SLC9A8: variants seen among roughly 807,000 people sequenced by gnomAD.
SLC9A8 encodes solute carrier family 9 member A8, also known as sodium/hydrogen exchanger 8.
SLC9A8 carries 48 observed loss-of-function variants against 66.6 expected under a neutral mutation model. The observed-to-expected ratio is 0.72, with a 90% CI of 0.57 to 0.92. The LOEUF is 0.92. Ranked by LOEUF, SLC9A8 falls within the 40% of genes least tolerant of loss-of-function variation. The pLI is 0.00. For synonymous variants in SLC9A8, 274 were observed against 282.6 expected, an observed-to-expected ratio of 0.97 and a Z score of 0.31; for missense variants, 599 against 747.3, an observed-to-expected ratio of 0.80 and a Z score of 2.31.
chr20:49,890,133 G>C lies in SLC9A8; in HGVS notation c.*2197G>C, dbSNP rs183039518. ...CCCAGGAGGTACCAGCACCTGCCTCGATCTCCTCTGAGCCTCTTCTGCCCC... is the reference window on the plus strand; with the variant it reads ...CCCAGGAGGTACCAGCACCTGCCTCCATCTCCTCTGAGCCTCTTCTGCCCC... On this transcript the variant is annotated 3_prime_UTR_variant, in exon 16 of 16. Coordinates refer to ENST00000361573, the MANE Select transcript of SLC9A8 (RefSeq NM_015266.3). 6.6e-6 allele frequency: 1 copy of C among 152,158 alleles called. No homozygotes were observed. Among genetic ancestry groups the C allele is most frequent in the African/African-American group, 2.4e-5 (1 of 41,402 alleles). 9.4% of individuals were successfully genotyped at this position (152,158 alleles called of 1,614,324 possible). A position where few individuals can be genotyped will look rare whatever the true frequency, so the allele number is the denominator to read the frequency against.
At chr20:49,850,508 ATCTG>A (rs2088200496) in intron 6 of SLC9A8, among the ~76,000 whole-genome samples, 1 of 152,224 alleles carries the variant, frequency 6.6e-6, no homozygotes, top group South Asian at 2.1e-4. Context: ...ACCAGAATAA[ATCTG>A]TCTGTCATGC....
At chr20:49,824,095 T>A (rs1403882657) in intron 3 of SLC9A8, among the ~76,000 whole-genome samples, 1 of 152,216 alleles carries the variant, frequency 6.6e-6, no homozygotes, top group Non-Finnish European at 1.5e-5. Context: ...GACTCTCCTG[T>A]ATTTTCCCTG....
intron 10 of SLC9A8, among the ~76,000 whole-genome samples, chr20:49,869,773 C>T (rs1425182004): frequency 3.3e-5 from 5 of 151,760 alleles, no homozygotes; most frequent in African/African-American, 7.3e-5. Context: ...GCAGAGGTTG[C>T]AGTGAGCCGA....
chr20:49,880,986 C>G lies in SLC9A8; in HGVS notation c.1221C>G (p.Phe407Leu), dbSNP rs766589165. 1.6e-5 allele frequency: 26 copies of G among 1,613,906 alleles called. No homozygotes were observed. Among genetic ancestry groups the G allele is most frequent in the African/African-American group, 2.7e-5 (2 of 74,920 alleles). The change falls in exon 13 of 16, where the codon TTC (phenylalanine) becomes TTG (leucine). Residue 407 changes from phenylalanine (F) to leucine (L), a missense_variant. By Grantham distance (22) the Phe-to-Leu change is conservative (BLOSUM62 0). Around this residue, in one of 2 missense-constraint regions of SLC9A8, gnomAD observed 467 missense variants for 626.5 expected, o/e 0.75. Transcript: ENST00000361573. ...IFPLSYLLNFFRDHKITPKMM... is the reference protein window; with the variant it reads ...IFPLSYLLNFLRDHKITPKMM... ...CTCTTTCCTACCTCCTGAATTTCTT[C>G]CGGGATCATAAAATCACACCGAAGA...
intron 12 of SLC9A8, among the ~76,000 whole-genome samples, chr20:49,879,807 A>G (rs2089561584): frequency 6.6e-6 from 1 of 152,204 alleles, no homozygotes; most frequent in African/African-American, 2.4e-5. Context: ...CTCAAAAAAA[A>G]AAAAAACTCT....
chr20:49,880,826 C>T (rs1194778446), intron 12 of SLC9A8, 98 bp from the exon 13 acceptor site: 1 of 792,572 alleles, frequency 1.3e-6, no homozygotes, highest in African/African-American at 1.7e-5. Flanking sequence ...TGCATTTGTA[C>T]TGGATGTGTT....
intron 3 of SLC9A8, among the ~76,000 whole-genome samples, chr20:49,838,593 G>A (rs1311567896): frequency 6.6e-6 from 1 of 152,100 alleles, no homozygotes; most frequent in Non-Finnish European, 1.5e-5. Context: ...TTTAGTGCAC[G>A]TCCTTTTCCT....
chr20:49,835,842 C>T (rs1437129047), intron 3 of SLC9A8, among the ~76,000 whole-genome samples: 1 of 151,884 alleles, frequency 6.6e-6, no homozygotes, highest in African/African-American at 2.4e-5. Flanking sequence ...CCCGCCATCA[C>T]GCCCAACTGC....
chr20:49,883,284 C>T (rs1251075398), intron 13 of SLC9A8, among the ~76,000 whole-genome samples: 1 of 152,128 alleles, frequency 6.6e-6, no homozygotes, highest in African/African-American at 2.4e-5. Context: ...TCAGTGCCAC[C>T]AGGGGCCTCC....
intron 12 of SLC9A8, among the ~76,000 whole-genome samples, chr20:49,879,660 AC>A (rs2089555400): frequency 1.3e-5 from 2 of 152,176 alleles, no homozygotes; most frequent in South Asian, 4.2e-4. Context: ...CCCCGTCTCT[AC>A]TAAAAATACA....
At chr20:49,833,852 G>C (rs912068767) in intron 3 of SLC9A8, among the ~76,000 whole-genome samples, 4 of 152,148 alleles carry the variant, frequency 2.6e-5, no homozygotes, top group Non-Finnish European at 4.4e-5. Context: ...CCTTAATTAG[G>C]TGTATGCACA....
At chr20:49,819,879 C>G (rs1236323970) in intron 2 of SLC9A8, among the ~76,000 whole-genome samples, 1 of 152,158 alleles carries the variant, frequency 6.6e-6, no homozygotes, top group Non-Finnish European at 1.5e-5. Flanking sequence ...GAATTGCATT[C>G]CTTTTTATGG....
At chr20:49,825,293 G>A (rs926324817) in intron 3 of SLC9A8, among the ~76,000 whole-genome samples, 1 of 152,134 alleles carries the variant, frequency 6.6e-6, no homozygotes, top group African/African-American at 2.4e-5. Context: ...GCAACTAAAA[G>A]CATCTTAACT....
chr20:49,849,353 C>T (rs908565936), intron 5 of SLC9A8, among the ~76,000 whole-genome samples: 8 of 151,408 alleles, frequency 5.3e-5, no homozygotes, highest in Non-Finnish European at 7.4e-5. Context: ...GAGACTTGTG[C>T]GAAGCTATGC....
At chr20:49,830,932 C>G in intron 3 of SLC9A8, 1 of 843,364 alleles carries the variant, frequency 1.2e-6, no homozygotes, top group Non-Finnish European at 2.1e-6. Context: ...TACTGAAATA[C>G]ATGCAGAAGG....
intron 3 of SLC9A8, among the ~76,000 whole-genome samples, chr20:49,831,356 G>A (rs1018626954): frequency 3.3e-5 from 5 of 151,398 alleles, no homozygotes; most frequent in East Asian, 3.9e-4. Flanking sequence ...GTGTGTGCAC[G>A]CACACACACG....
intron 3 of SLC9A8, among the ~76,000 whole-genome samples, chr20:49,833,411 G>C (rs2087296154): frequency 1.3e-5 from 2 of 152,096 alleles, no homozygotes; most frequent in African/African-American, 4.8e-5. Context: ...ACGTGATTTT[G>C]CACAATTAAC....
intron 14 of SLC9A8, 159 bp downstream of exon 14, chr20:49,884,225 C>CACACACACACG (rs2089749410): frequency 6.2e-5 from 15 of 242,104 alleles, no homozygotes; most frequent in African/African-American, 4.3e-4. Flanking sequence ...CACACACACA[C>CACACACACACG]ACACACACAC....
At chr20:49,838,328 T>G (rs1358159379) in intron 3 of SLC9A8, among the ~76,000 whole-genome samples, 1 of 152,038 alleles carries the variant, frequency 6.6e-6, no homozygotes, top group Non-Finnish European at 1.5e-5. Context: ...CCTGAAAAAA[T>G]AAGAACATGG....
Sources: gnomAD v4.1 joint callset for allele counts (sites outside exome capture counted in the v4.1 genomes callset) on GRCh38, gnomAD v4.1.1 for gene constraint, gnomAD v4.1.1 regional missense constraint, MANE v1.5 for transcripts, NCBI Gene and HGNC (gene_info 2026-07-23, HGNC 2026-07-21) for gene names.